SLC16A12: variants seen among roughly 807,000 people sequenced by gnomAD.
The protein encoded by SLC16A12 is solute carrier family 16 member 12.
SLC16A12 carries 17 observed loss-of-function variants against 42.4 expected under a neutral mutation model. The ratio of observed to expected loss-of-function variants is 0.40; its 90% confidence interval spans 0.27 to 0.60. The LOEUF is 0.60. Ranked by LOEUF, SLC16A12 falls within the 20% of genes least tolerant of loss-of-function variation. The probability of loss-of-function intolerance (pLI) is 0.42; values close to 1 mark genes in which losing one functional copy is unlikely to be tolerated. For missense variants in SLC16A12, 544 were observed against 623.0 expected, an observed-to-expected ratio of 0.87 and a Z score of 1.35; for synonymous variants, 224 against 229.4, an observed-to-expected ratio of 0.98 and a Z score of 0.21.
At chr10:89,523,650 C>CATTA (rs1423953412) in intron 2 of SLC16A12, among the ~76,000 whole-genome samples, 4 of 152,152 alleles carry the variant, frequency 2.6e-5, no homozygotes. Flanking sequence ...TTCCTTCATT[C>CATTA]ATTCATTCAT....
chr10:89,497,937 G>C (rs1387397139), intron 2 of SLC16A12, among the ~76,000 whole-genome samples: 1 of 152,006 alleles, frequency 6.6e-6, no homozygotes, highest in Non-Finnish European at 1.5e-5. Flanking sequence ...GTTAGAAGTA[G>C]GTATAATTAT....
upstream of SLC16A12, among the ~76,000 whole-genome samples, chr10:89,538,891 C>T (rs114918047): frequency 9.8e-3 from 1,487 of 152,228 alleles, 16 homozygotes; most frequent in African/African-American, 0.034. Flanking sequence ...TCAAAGAACC[C>T]GGCAAAATCA....
chr10:89,439,660 G>T (rs1440546722), intron 5 of SLC16A12, among the ~76,000 whole-genome samples: 2 of 152,172 alleles, frequency 1.3e-5, no homozygotes, highest in African/African-American at 4.8e-5. Context: ...ATTTTACATA[G>T]TTGGGAAACA....
In SLC16A12 at chr10:89,432,885, G is replaced by T; in HGVS notation, c.*179C>A. The T allele has an allele frequency of 2.3e-6, 2 of 880,216 alleles. No individual in the cohort carries two copies. The highest frequency in any genetic ancestry group is 3.3e-6 in the Non-Finnish European group (2 of 601,342). 54.5% of individuals were successfully genotyped at this position (880,216 alleles called of 1,614,324 possible). ...TCCCAAATGAGAAGGCTCTGGGCTA[G>T]TCCAGCTTTCCTTATTATGTGCTGT... On this transcript the variant is annotated 3_prime_UTR_variant, in exon 8 of 8. Transcript: ENST00000371790.
chr10:89,455,326 C>T (rs928863817), intron 3 of SLC16A12, among the ~76,000 whole-genome samples: 2 of 152,072 alleles, frequency 1.3e-5, no homozygotes, highest in Non-Finnish European at 2.9e-5. Context: ...CCATGTCTGT[C>T]CCTTGTCACT....
chr10:89,555,201 T>A (rs1040345939), intron 2 of SLC16A12, among the ~76,000 whole-genome samples: 1 of 151,710 alleles, frequency 6.6e-6, no homozygotes, highest in African/African-American at 2.4e-5. Context: ...AGATAGTGGA[T>A]CTTGCTATAT....
upstream of SLC16A12, among the ~76,000 whole-genome samples, chr10:89,538,476 G>A (rs1843693996): frequency 6.6e-6 from 1 of 152,154 alleles, no homozygotes; most frequent in Non-Finnish European, 1.5e-5. Context: ...TGTGGCTAAT[G>A]TCTACCATAC....
At chr10:89,446,915 C>T (rs1015954755) in intron 3 of SLC16A12, among the ~76,000 whole-genome samples, 1 of 151,964 alleles carries the variant, frequency 6.6e-6, no homozygotes, top group African/African-American at 2.4e-5. Context: ...GGAGGAAGAT[C>T]TACCAAGCAA....
intron 2 of SLC16A12, among the ~76,000 whole-genome samples, chr10:89,543,165 A>C (rs527624827): frequency 1.3e-5 from 2 of 152,396 alleles, no homozygotes; most frequent in East Asian, 3.9e-4. Flanking sequence ...TATATGATAA[A>C]GCAAATTTAG....
intron 2 of SLC16A12, among the ~76,000 whole-genome samples, chr10:89,466,107 T>A (rs543591382): frequency 2.0e-5 from 3 of 152,180 alleles, no homozygotes; most frequent in Admixed American, 6.5e-5. Flanking sequence ...TTACTTTATG[T>A]CTCTGAGCCT....
rs1451885413 is a variant in SLC16A12 at position 89,432,063 on chromosome 10, A to G, written c.*1001T>C. 6.6e-6 allele frequency: 1 copy of G among 152,608 alleles called. No homozygotes were observed. The highest frequency in any genetic ancestry group is 1.5e-5 in the Non-Finnish European group (1 of 68,030). 9.5% of individuals were successfully genotyped at this position (152,608 alleles called of 1,614,324 possible). A position where few individuals can be genotyped will look rare whatever the true frequency, so the allele number is the denominator to read the frequency against. ...TGTCTGATCTGCAAAGAAAACTCTC[A>G]CCAGAGACCTGCTGATTCAAGAATT... is the stretch of plus-strand genomic sequence containing the variant. On this transcript the variant is annotated 3_prime_UTR_variant, in exon 8 of 8. Coordinates refer to ENST00000371790, the MANE Select transcript of SLC16A12 (RefSeq NM_213606.4).
At chr10:89,499,354 A>C (rs1453105786) in intron 2 of SLC16A12, among the ~76,000 whole-genome samples, 1 of 152,184 alleles carries the variant, frequency 6.6e-6, no homozygotes. Flanking sequence ...CAGGAGTTCA[A>C]GACCAGCCTG....
intron 2 of SLC16A12, among the ~76,000 whole-genome samples, chr10:89,512,727 T>C (rs571518835): frequency 6.6e-6 from 1 of 152,334 alleles, no homozygotes; most frequent in South Asian, 2.1e-4. Flanking sequence ...ATATCCTTTG[T>C]AATAAACTGC....
At chr10:89,510,118 A>G (rs1457685775) in intron 2 of SLC16A12, among the ~76,000 whole-genome samples, 1 of 152,250 alleles carries the variant, frequency 6.6e-6, no homozygotes, top group Non-Finnish European at 1.5e-5. Flanking sequence ...TTCCATGCTC[A>G]TGGATAGGAA....
intron 3 of SLC16A12, among the ~76,000 whole-genome samples, chr10:89,454,063 G>A (rs994375020): frequency 1.3e-5 from 2 of 151,900 alleles, no homozygotes; most frequent in African/African-American, 4.8e-5. Context: ...TGCCCAGGCT[G>A]GAGTGCAGTG....
At chr10:89,542,312 T>TC (rs1285089220) in intron 2 of SLC16A12, among the ~76,000 whole-genome samples, 1 of 150,166 alleles carries the variant, frequency 6.7e-6, no homozygotes, top group African/African-American at 2.5e-5. Flanking sequence ...TTTTCTTTTT[T>TC]TTTTTTTTGA....
At chr10:89,466,406 T>G (rs750866433) in intron 2 of SLC16A12, among the ~76,000 whole-genome samples, 29 of 152,152 alleles carry the variant, frequency 1.9e-4, no homozygotes, top group African/African-American at 6.8e-4. Flanking sequence ...GCACAGTTCA[T>G]GAACTGTTGA....
At chr10:89,544,714 G>A (rs1290748784) in intron 2 of SLC16A12, among the ~76,000 whole-genome samples, 2 of 152,262 alleles carry the variant, frequency 1.3e-5, no homozygotes, top group East Asian at 3.9e-4. Flanking sequence ...CATAATACCT[G>A]TTTCCAATTG....
chr10:89,489,196 T>C (rs1228222334), intron 2 of SLC16A12, among the ~76,000 whole-genome samples: 6 of 152,218 alleles, frequency 3.9e-5, no homozygotes, highest in Admixed American at 1.3e-4. Context: ...CTGCCCAATT[T>C]GGTCGTGAAT....
Sources: gnomAD v4.1 joint callset for allele counts (sites outside exome capture counted in the v4.1 genomes callset) on GRCh38, gnomAD v4.1.1 for gene constraint, MANE v1.5 for transcripts, NCBI Gene and HGNC (gene_info 2026-07-23, HGNC 2026-07-21) for gene names.